The following FRMPD3 variants were observed in gnomAD, a reference collection of about 807,000 sequenced individuals.
The protein encoded by FRMPD3 is FERM and PDZ domain-containing protein 3.
FRMPD3 carries 42 observed loss-of-function variants against 97.9 expected under a neutral mutation model. That is an observed-to-expected ratio of 0.43 (90% CI 0.34 to 0.55). The LOEUF (loss-of-function observed/expected upper bound fraction) is 0.55, where lower values mean the gene tolerates loss of function less well. FRMPD3 is among the 20% of genes least tolerant of loss of function. FRMPD3 has a pLI of 0.03. For missense variants in FRMPD3, 1,303 were observed against 1,457.7 expected (o/e 0.89, Z 1.73); for synonymous variants, 577 against 581.1 (o/e 0.99, Z 0.10).
At position 107,489,545 on chromosome X, in the gene FRMPD3, G is replaced by A. The variant is rs1192330558; in HGVS notation, c.-7-37037G>A. 7.2e-5 allele frequency among the ~76,000 whole-genome samples: 8 copies of A among 111,871 alleles called. No homozygotes were observed. In the East Asian group the frequency reaches 1.1e-3, roughly 16 times the overall value. On this transcript the variant is annotated intron_variant, in intron 1 of 14. Transcript: ENST00000683843. ...TCGCCATTCTAACTGGTGTGAGATG[G>A]TATCTCATTGTGGTTTTGATTTGCA...
At chrX:107,577,440 C>T (rs866401174) in intron 13 of FRMPD3, among the ~76,000 whole-genome samples, 8 of 99,289 alleles carry the variant, frequency 8.1e-5, no homozygotes, top group South Asian at 5.0e-4. Flanking sequence ...GCTGAGATCA[C>T]GCCACTGCAC....
chrX:107,589,961 G>A (rs1001405714), intron 13 of FRMPD3, among the ~76,000 whole-genome samples: 1 of 111,498 alleles, frequency 9.0e-6, no homozygotes, highest in Admixed American at 9.5e-5. Context: ...GACTAGCCTG[G>A]CCAATATGGT....
rs141655380 is a variant in FRMPD3 at position 107,603,322 on chromosome X, G to A, written c.5283G>A (p.Ser1761=). The part of the protein sequence containing the change: ...ATEHPPGSPT[S]ATVMSTFTHS... Reference sequence around the variant, plus strand: ...AGCATCCACCAGGCTCCCCAACTTCGGCGACTGTTATGAGCACATTCACCC... The same window carrying A: ...AGCATCCACCAGGCTCCCCAACTTCAGCGACTGTTATGAGCACATTCACCC... Residue 1761 remains serine (S), a synonymous_variant, in exon 15 of 15, where the codon TCG becomes TCA. Coordinates refer to ENST00000683843, the MANE Select transcript of FRMPD3 (RefSeq NM_001388459.1). The A allele has an allele frequency of 6.3e-3, 7,167 of 1,134,350 alleles. 267 individuals carry two copies. In the African/African-American group the frequency reaches 0.13, roughly 20 times the overall value. 93.5% of individuals were successfully genotyped at this position (1,134,350 alleles called of 1,213,427 possible).
intron 13 of FRMPD3, among the ~76,000 whole-genome samples, chrX:107,581,173 A>G (rs1446068224): frequency 9.0e-6 from 1 of 111,000 alleles, no homozygotes; most frequent in Non-Finnish European, 1.9e-5. Flanking sequence ...CAGTGTCATG[A>G]TCTCGGCTCA....
At chrX:107,579,137 TC>T (rs1287159312) in intron 13 of FRMPD3, among the ~76,000 whole-genome samples, 2 of 111,653 alleles carry the variant, frequency 1.8e-5, no homozygotes, top group Non-Finnish European at 3.8e-5. Flanking sequence ...TCTGGGCTTT[TC>T]CCCCAGGGTC....
At chrX:107,489,982 A>G (rs1285692288) in intron 1 of FRMPD3, among the ~76,000 whole-genome samples, 2 of 112,165 alleles carry the variant, frequency 1.8e-5, no homozygotes, top group African/African-American at 6.5e-5. Flanking sequence ...TCTAACATGT[A>G]AGTCTTTAAT....
chrX:107,476,113 G>T (rs1156956597), intron 1 of FRMPD3, among the ~76,000 whole-genome samples: 1 of 112,013 alleles, frequency 8.9e-6, no homozygotes, highest in African/African-American at 3.2e-5. Flanking sequence ...TCAATCTCTT[G>T]ACCTCAGGTG....
At position 107,533,477 on chromosome X, in the gene FRMPD3, A is replaced by T. The variant is rs1473429525; in HGVS notation, c.252-28A>T. ...ATGAATACCTAGTGCATGATACACT[A>T]CTCTCCTATTCCCTCTTTTCTCTGT... On this transcript the variant is annotated intron_variant, in intron 3 of 14. Coordinates refer to ENST00000683843, the MANE Select transcript of FRMPD3 (RefSeq NM_001388459.1). 2.5e-6 allele frequency: 3 copies of T among 1,178,194 alleles called. No homozygotes were observed. In the East Asian group the frequency reaches 8.9e-5, roughly 35 times the overall value.
intron 13 of FRMPD3, among the ~76,000 whole-genome samples, chrX:107,587,442 C>T (rs1923703980): frequency 9.0e-6 from 1 of 111,599 alleles, no homozygotes. Flanking sequence ...GCATTTAGCT[C>T]ATTTGCATTT....
At chrX:107,450,150 C>T (rs1373463676) in intron 1 of FRMPD3, among the ~76,000 whole-genome samples, 145 bp downstream of exon 1, 1 of 110,728 alleles carries the variant, frequency 9.0e-6, no homozygotes, top group South Asian at 3.8e-4. Flanking sequence ...GGGCGGGGGG[C>T]GCCGAACGTC....
At chrX:107,493,034 G>A (rs1457901356) in intron 1 of FRMPD3, among the ~76,000 whole-genome samples, 1 of 109,299 alleles carries the variant, frequency 9.1e-6, no homozygotes, top group Non-Finnish European at 1.9e-5. Flanking sequence ...CAAAAAATTA[G>A]CCTGGTCTGG....
chrX:107,598,880 C>T (rs1924341793), intron 14 of FRMPD3, among the ~76,000 whole-genome samples: 1 of 111,927 alleles, frequency 8.9e-6, no homozygotes, highest in African/African-American at 3.2e-5. Flanking sequence ...GCATGCTGTT[C>T]CCTGTTATAA....
chrX:107,564,820 C>T, intron 11 of FRMPD3, 67 bp from the exon 12 acceptor site: 1 of 1,104,026 alleles, frequency 9.1e-7, no homozygotes, highest in Non-Finnish European at 1.2e-6. Flanking sequence ...TTTCCTCCTC[C>T]TGCCTCCTCT....
At chrX:107,468,367 C>T (rs1931611742) in intron 1 of FRMPD3, among the ~76,000 whole-genome samples, 1 of 112,362 alleles carries the variant, frequency 8.9e-6, no homozygotes, top group Non-Finnish European at 1.9e-5. Flanking sequence ...CATTGAGCAC[C>T]TCCTATGTGC....
intron 6 of FRMPD3, among the ~76,000 whole-genome samples, chrX:107,550,545 A>G (rs906316827): frequency 7.1e-5 from 8 of 112,426 alleles, no homozygotes; most frequent in African/African-American, 2.6e-4. Flanking sequence ...AGAAATAAAC[A>G]CAGTCTCTTG....
intron 4 of FRMPD3, among the ~76,000 whole-genome samples, chrX:107,543,765 G>A (rs759186442): frequency 1.9e-5 from 2 of 106,284 alleles, no homozygotes; most frequent in African/African-American, 6.9e-5. Flanking sequence ...GCAGTGAGCC[G>A]AGATCGCACC....
intron 1 of FRMPD3, among the ~76,000 whole-genome samples, chrX:107,521,525 G>A (rs1171385633): frequency 4.4e-5 from 5 of 112,783 alleles, no homozygotes; most frequent in African/African-American, 1.6e-4. Flanking sequence ...TAACAAGCAA[G>A]TACTCCTTTA....
At chrX:107,559,067 A>C (rs1222146447) in intron 8 of FRMPD3, among the ~76,000 whole-genome samples, 1 of 106,334 alleles carries the variant, frequency 9.4e-6, no homozygotes, top group African/African-American at 3.5e-5. Flanking sequence ...TCCTGAGTTC[A>C]AGTGATTCTC....
intron 1 of FRMPD3, among the ~76,000 whole-genome samples, chrX:107,457,277 A>G (rs1439663502): frequency 1.8e-5 from 2 of 111,376 alleles, no homozygotes; most frequent in Non-Finnish European, 3.8e-5. Flanking sequence ...GATTCGTGGT[A>G]TAGCTAAACA....
Sources: gnomAD v4.1 joint callset for allele counts (sites outside exome capture counted in the v4.1 genomes callset) on GRCh38, gnomAD v4.1.1 for gene constraint, MANE v1.5 for transcripts, NCBI Gene and HGNC (gene_info 2026-07-23, HGNC 2026-07-21) for gene names.